CCDC50: variants seen among roughly 807,000 people sequenced by gnomAD.
CCDC50 encodes coiled-coil domain-containing protein 50.
CCDC50 carries 54 observed loss-of-function variants against 70.2 expected under a neutral mutation model. The ratio of observed to expected loss-of-function variants is 0.77; its 90% confidence interval spans 0.62 to 0.96. The LOEUF (loss-of-function observed/expected upper bound fraction) is 0.96. CCDC50 is among the 50% of genes least tolerant of loss of function. The pLI is 0.00. For synonymous variants in CCDC50, 216 were observed against 198.8 expected, an observed-to-expected ratio of 1.09 and a Z score of -0.73; for missense variants, 558 against 578.7, an observed-to-expected ratio of 0.96 and a Z score of 0.37.
At position 191,378,830 on chromosome 3, in the gene CCDC50, A is replaced by G. The variant is rs558478326; in HGVS notation, c.977-1329A>G. Among the ~76,000 whole-genome samples, 6 of 151,836 alleles carry G rather than the reference A, an allele frequency of 4.0e-5. No individual in the cohort carries two copies. In the South Asian group the frequency reaches 1.0e-3, roughly 26 times the overall value. ...ATAAGACTCCGTGGCTCTAGAGTTG[A>G]TTTGAAGTGATCTGTGCAATCAGGT... On this transcript the variant is annotated intron_variant, in intron 6 of 11. Coordinates refer to ENST00000392455, the MANE Select transcript of CCDC50 (RefSeq NM_178335.3).
In CCDC50 at chr3:191,385,187, A is replaced by G. The variant is rs555682725; in HGVS notation, c.1322+2362A>G. The stretch of plus-strand genomic sequence containing the variant: ...CTTTTGGGTATATACCCAGTAATGG[A>G]ATTGCCAGGGTAATGGTAGCTCTAT... On this transcript the variant is annotated intron_variant, in intron 10 of 11. Coordinates refer to ENST00000392455, the MANE Select transcript of CCDC50 (RefSeq NM_178335.3). Among the ~76,000 whole-genome samples the G allele has an allele frequency of 8.5e-5, 13 of 152,266 alleles. No individual in the cohort carries two copies. The South Asian group carries it at 2.5e-3, about 29-fold the overall frequency.
intron 3 of CCDC50, among the ~76,000 whole-genome samples, chr3:191,359,579 A>T (rs1235546072): frequency 2.0e-5 from 3 of 152,214 alleles, no homozygotes; most frequent in Admixed American, 6.5e-5. Flanking sequence ...ATTTGAAGGC[A>T]GCTGTTGAGC....
rs752997734 is a variant in CCDC50 at position 191,375,585 on chromosome 3, C to T, written c.972C>T (p.Asp324=). 1.4e-5 allele frequency: 22 copies of T among 1,612,546 alleles called. No homozygotes were observed. The highest frequency in any genetic ancestry group is 5.5e-5 in the South Asian group (5 of 90,926). ...GTGAGGAGCAGCTCCACCTCCATGA[C>T]GCAGGTAATAGAGGACAGTCTCGAT... ...SESEEQLHLH[D]AGMKPRVMKE... is the part of the protein sequence containing the mutation. The change falls in exon 6 of 12, where the codon GAC becomes GAT. Residue 324 remains aspartate, a synonymous_variant. Transcript: ENST00000392455.
At chr3:191,349,944 A>G (rs1325845250) in intron 1 of CCDC50, among the ~76,000 whole-genome samples, 1 of 129,082 alleles carries the variant, frequency 7.7e-6, no homozygotes, top group Non-Finnish European at 1.7e-5. Flanking sequence ...CATTTATCTT[A>G]TTTTAACTAG....
chr3:191,376,447 T>G (rs1713116506), intron 6 of CCDC50, among the ~76,000 whole-genome samples: 1 of 152,094 alleles, frequency 6.6e-6, no homozygotes, highest in Non-Finnish European at 1.5e-5. Flanking sequence ...TGGCTCTATT[T>G]TCTATAAACT....
At chr3:191,365,481 G>C (rs949663866) in intron 4 of CCDC50, among the ~76,000 whole-genome samples, 5 of 151,932 alleles carry the variant, frequency 3.3e-5, no homozygotes, top group African/African-American at 1.2e-4. Context: ...GAGATGGGAG[G>C]CTTCTTGTTG....
At chr3:191,335,921 A>G (rs1291976032) in intron 1 of CCDC50, among the ~76,000 whole-genome samples, 1 of 148,798 alleles carries the variant, frequency 6.7e-6, no homozygotes, top group Non-Finnish European at 1.5e-5. Context: ...CAAACTTCTC[A>G]ACCCCCGTTT....
rs780087761 is a variant in CCDC50, at chr3:191,375,304, G to A, written c.691G>A (p.Glu231Lys). 1 of 1,613,766 alleles carries A rather than the reference G, an allele frequency of 6.2e-7. No homozygotes were observed. The highest frequency in any genetic ancestry group is 1.1e-5 in the South Asian group (1 of 91,068). ...EQHERKRSTQ[E>K]RPRRPLLPTI... ...GCATGAAAGGAAACGGTCCACTCAG[G>A]AGAGGCCTCGGAGACCTCTGCTTCC... Residue 231 changes from glutamate (E) to lysine (K), a missense_variant, in exon 6 of 12, where the codon GAG becomes AAG. Glu to Lys is a moderately conservative substitution (Grantham distance 56, BLOSUM62 1). Transcript: ENST00000392455.
intron 3 of CCDC50, among the ~76,000 whole-genome samples, chr3:191,358,790 TC>T (rs1359512627): frequency 6.6e-6 from 1 of 152,184 alleles, no homozygotes; most frequent in Non-Finnish European, 1.5e-5. Context: ...ACATCCTAAA[TC>T]TTTAATGTGG....
chr3:191,368,267 A>G (rs1440481001), intron 4 of CCDC50, among the ~76,000 whole-genome samples: 1 of 151,868 alleles, frequency 6.6e-6, no homozygotes, highest in Admixed American at 6.6e-5. Context: ...CATGAAAAGT[A>G]TACTTATGTT....
intron 1 of CCDC50, among the ~76,000 whole-genome samples, chr3:191,335,041 A>G (rs1054352040): frequency 2.6e-5 from 4 of 152,086 alleles, no homozygotes; most frequent in Non-Finnish European, 5.9e-5. Flanking sequence ...AAAGGTAGAA[A>G]CTCTAAAATT....
In CCDC50 at chr3:191,370,038, T is replaced by A; in HGVS notation, c.448+2T>A. On this transcript the variant is annotated splice_donor_variant, in intron 5 of 11. Transcript: ENST00000392455. LOFTEE classifies it high-confidence loss of function. ...ATAGTTACTATTATGAAGATGGAGGTAACAATTCCTGCATCATGATCTATT... is the reference window on the plus strand; with the variant it reads ...ATAGTTACTATTATGAAGATGGAGGAAACAATTCCTGCATCATGATCTATT... The A allele has an allele frequency of 2.7e-5, 37 of 1,393,226 alleles. No homozygotes were observed. Among genetic ancestry groups the A allele is most frequent in the Middle Eastern group, 1.8e-4 (1 of 5,656 alleles). 86.3% of individuals were successfully genotyped at this position (1,393,226 alleles called of 1,614,324 possible).
At chr3:191,366,922 T>C (rs1172933241) in intron 4 of CCDC50, among the ~76,000 whole-genome samples, 2 of 152,062 alleles carry the variant, frequency 1.3e-5, no homozygotes, top group Non-Finnish European at 2.9e-5. Flanking sequence ...TGACTGATAA[T>C]TGCCATCGTC....
intron 5 of CCDC50, among the ~76,000 whole-genome samples, chr3:191,370,785 G>A (rs767290219): frequency 6.6e-6 from 1 of 152,028 alleles, no homozygotes; most frequent in African/African-American, 2.4e-5. Flanking sequence ...CACCGCGCCC[G>A]GCCTTATCTG....
At chr3:191,360,413 C>T (rs112343137) in intron 3 of CCDC50, among the ~76,000 whole-genome samples, 40 of 152,142 alleles carry the variant, frequency 2.6e-4, no homozygotes, top group South Asian at 4.1e-4. Context: ...ATTATCACAT[C>T]CAATGTAGTT....
In CCDC50 at chr3:191,395,277, T is replaced by G. The variant is rs1560175676; in HGVS notation, c.*3517T>G. The stretch of plus-strand genomic sequence containing the variant: ...TGTTGCTCATCACTTTCTCTCAAAG[T>G]TAGAACTTTTCAGTATAAAAATAAT... On this transcript the variant is annotated 3_prime_UTR_variant, in exon 12 of 12. Transcript: ENST00000392455. The G allele has an allele frequency of 2.0e-5, 3 of 152,164 alleles. No homozygotes were observed. Among genetic ancestry groups the G allele is most frequent in the African/African-American group, 7.2e-5 (3 of 41,456 alleles). 9.4% of individuals were successfully genotyped at this position (152,164 alleles called of 1,614,324 possible).
intron 4 of CCDC50, among the ~76,000 whole-genome samples, chr3:191,369,149 C>T (rs1000329214): frequency 2.6e-5 from 4 of 152,192 alleles, no homozygotes; most frequent in South Asian, 2.1e-4. Context: ...CTTTGCCTGT[C>T]GGAATTCAGT....
chr3:191,380,412 G>T, intron 7 of CCDC50, 138 bp downstream of exon 7: 1 of 721,778 alleles, frequency 1.4e-6, no homozygotes, highest in Non-Finnish European at 2.5e-6. Context: ...CATGACAATA[G>T]GAATAGAGTA....
At position 191,369,915 on chromosome 3, in the gene CCDC50, G is replaced by T. The variant is rs373585896; in HGVS notation, c.331-4G>T. 1 of 1,601,086 alleles carries T rather than the reference G, an allele frequency of 6.2e-7. No homozygotes were observed. Among genetic ancestry groups the T allele is most frequent in the Non-Finnish European group, 8.6e-7 (1 of 1,168,704 alleles). ...GTATTTCCATTCTCCTCTTGTCTTT[G>T]CAGGACATAGCTCGCCTTTTGCAAG... On this transcript the variant is annotated splice_region_variant and splice_polypyrimidine_tract_variant and intron_variant, in intron 4 of 11. Transcript: ENST00000392455.
Sources: gnomAD v4.1 joint callset for allele counts (sites outside exome capture counted in the v4.1 genomes callset) on GRCh38, gnomAD v4.1.1 for gene constraint, MANE v1.5 for transcripts, NCBI Gene and HGNC (gene_info 2026-07-23, HGNC 2026-07-21) for gene names.